Variants in PDE8B observed in about 807,000 individuals in gnomAD.
The protein encoded by PDE8B is high affinity cAMP-specific and IBMX-insensitive 3',5'-cyclic phosphodiesterase 8B.
PDE8B carries 26 observed loss-of-function variants against 101.3 expected under a neutral mutation model. That is an observed-to-expected ratio of 0.26 (90% CI 0.19 to 0.36). The LOEUF (loss-of-function observed/expected upper bound fraction) is 0.36. PDE8B is among the 10% of genes least tolerant of loss of function. The pLI is 1.00. For synonymous variants in PDE8B, 424 were observed against 429.3 expected (o/e 0.99, Z 0.15); for missense variants, 810 against 1,163.1 (o/e 0.70, Z 4.42).
chr5:77,191,635 G>A, the PDE8B span, among the ~76,000 whole-genome samples: 1 of 152,168 alleles, frequency 6.6e-6, no homozygotes, highest in Non-Finnish European at 1.5e-5. Flanking sequence ...TTACAGGCGT[G>A]AGCCACTGTG....
At chr5:77,382,066 A>G (rs1187620418) in intron 10 of PDE8B, among the ~76,000 whole-genome samples, 1 of 152,182 alleles carries the variant, frequency 6.6e-6, no homozygotes, top group Non-Finnish European at 1.5e-5. Context: ...ATTTTCAGCC[A>G]TCAATCCGTA....
the PDE8B span, among the ~76,000 whole-genome samples, chr5:77,161,369 C>T: frequency 6.6e-5 from 10 of 152,140 alleles, no homozygotes; most frequent in African/African-American, 2.2e-4. Flanking sequence ...TCCTTTTTAT[C>T]GTTGTATAGT....
intron 7 of PDE8B, among the ~76,000 whole-genome samples, chr5:77,348,835 A>G (rs926458777): frequency 6.6e-6 from 1 of 152,076 alleles, no homozygotes; most frequent in Middle Eastern, 3.2e-3. Flanking sequence ...GGTGTGTGCC[A>G]CAACAACTGG....
rs980761964 is a variant in PDE8B, at chr5:77,210,831, C to T, written c.-95C>T. On this transcript the variant is annotated 5_prime_UTR_variant, in exon 1 of 22. Transcript: ENST00000264917. This position sits in a 1 kb window ranked among gnomAD's most constrained non-coding sequence, Gnocchi z 4.9. ...GCCGGGGGGCGCGCAGTCCGGGCGC[C>T]GCCGCGGCCGCCCCCTCACTGCAGG... 1 of 994,270 alleles carries T rather than the reference C, an allele frequency of 1.0e-6. No homozygotes were observed. Among genetic ancestry groups the T allele is most frequent in the Non-Finnish European group, 1.2e-6 (1 of 837,798 alleles). The allele number at this position is 994,270 out of a possible 1,614,324, so 61.6% of individuals were successfully genotyped here.
At chr5:77,382,176 C>G (rs951845521) in intron 10 of PDE8B, among the ~76,000 whole-genome samples, 1 of 152,126 alleles carries the variant, frequency 6.6e-6, no homozygotes, top group African/African-American at 2.4e-5. Flanking sequence ...TACTCAGTAC[C>G]TACATTCTGT....
intron 2 of PDE8B, among the ~76,000 whole-genome samples, chr5:77,317,633 T>C (rs1774048279): frequency 1.3e-5 from 2 of 152,334 alleles, no homozygotes; most frequent in East Asian, 1.9e-4. Context: ...GGAAGTGTTA[T>C]GAGGCAGAGA....
intron 1 of PDE8B, among the ~76,000 whole-genome samples, chr5:77,239,290 C>G (rs1755277001): frequency 6.6e-6 from 1 of 152,164 alleles, no homozygotes; most frequent in South Asian, 2.1e-4. Flanking sequence ...TTTTTAAAGC[C>G]TTTTCAATGC....
intron 1 of PDE8B, among the ~76,000 whole-genome samples, chr5:77,240,916 C>T (rs982551166): frequency 6.6e-6 from 1 of 152,170 alleles, no homozygotes; most frequent in African/African-American, 2.4e-5. Context: ...AACTAAGCAG[C>T]GTTTTCCTAA....
the PDE8B span, among the ~76,000 whole-genome samples, chr5:77,093,067 A>G: frequency 6.6e-6 from 1 of 152,186 alleles, no homozygotes; most frequent in African/African-American, 2.4e-5. Context: ...GGCTGTTTTT[A>G]TCTTGTTTTT....
At chr5:77,294,785 CTATT>C (rs574793908) in intron 1 of PDE8B, among the ~76,000 whole-genome samples, 9 of 149,858 alleles carry the variant, frequency 6.0e-5, no homozygotes, top group Admixed American at 1.3e-4. Flanking sequence ...AGACAAGAAA[CTATT>C]TGAGAAGTGA....
chr5:77,351,939 A>G (rs999837204), intron 9 of PDE8B, among the ~76,000 whole-genome samples: 1 of 152,180 alleles, frequency 6.6e-6, no homozygotes, highest in Admixed American at 6.5e-5. Flanking sequence ...GTTCCTTGCA[A>G]ATTGTTGTAT....
At chr5:77,190,109 T>C in the PDE8B span, among the ~76,000 whole-genome samples, 1 of 152,208 alleles carries the variant, frequency 6.6e-6, no homozygotes, top group African/African-American at 2.4e-5. Context: ...GCCTGTCCTT[T>C]GCCCATGTTC....
Position 77,228,351 on chromosome 5 carries a change from T to C in PDE8B, c.339+17087T>C, listed in dbSNP as rs186485965. Among the ~76,000 whole-genome samples the C allele has an allele frequency of 1.8e-4, 28 of 152,220 alleles. No individual in the cohort carries two copies. The East Asian group carries it at 2.5e-3, about 14-fold the overall frequency. Reference sequence around the variant, plus strand: ...CATGAGTACGAATAGGTGGGAATCATTGGGGGCTGTGTTGGAACCTGCCTG... The same window carrying C: ...CATGAGTACGAATAGGTGGGAATCACTGGGGGCTGTGTTGGAACCTGCCTG... On this transcript the variant is annotated intron_variant, in intron 1 of 21. Coordinates refer to ENST00000264917, the MANE Select transcript of PDE8B (RefSeq NM_003719.5).
intron 17 of PDE8B, among the ~76,000 whole-genome samples, chr5:77,413,776 T>A (rs1476408518): frequency 6.6e-6 from 1 of 152,206 alleles, no homozygotes; most frequent in East Asian, 1.9e-4. Flanking sequence ...GGTATGAACG[T>A]GCCTATCTTT....
intron 1 of PDE8B, among the ~76,000 whole-genome samples, chr5:77,259,423 C>A (rs1019057110): frequency 3.9e-5 from 6 of 152,292 alleles, no homozygotes; most frequent in Middle Eastern, 6.8e-3. Flanking sequence ...GTGGTACATG[C>A]CCCAACTCTC....
chr5:77,094,369 G>A, the PDE8B span, among the ~76,000 whole-genome samples: 3 of 152,092 alleles, frequency 2.0e-5, no homozygotes, highest in African/African-American at 4.8e-5. Flanking sequence ...GGGTGCAGTT[G>A]TGTAATCATG....
chr5:77,316,499 T>C (rs1052581114), intron 2 of PDE8B, among the ~76,000 whole-genome samples: 4 of 152,194 alleles, frequency 2.6e-5, no homozygotes, highest in African/African-American at 9.7e-5. Context: ...CCCAAAGTGC[T>C]GGGATTACAG....
At chr5:77,327,585 A>C (rs1046770321) in intron 3 of PDE8B, among the ~76,000 whole-genome samples, 3 of 152,114 alleles carry the variant, frequency 2.0e-5, no homozygotes, top group African/African-American at 4.8e-5. Context: ...TGCCTCTAAA[A>C]CACTATGTAT....
At chr5:77,425,702 A>G (rs1457947873) in intron 20 of PDE8B, 65 bp from the exon 21 acceptor site, 2 of 1,536,780 alleles carry the variant, frequency 1.3e-6, no homozygotes, top group Non-Finnish European at 1.8e-6. Flanking sequence ...GTTCTGAGAA[A>G]CAGGATATTA....
Sources: gnomAD v4.1 joint callset for allele counts (sites outside exome capture counted in the v4.1 genomes callset) on GRCh38, gnomAD v4.1.1 for gene constraint, Gnocchi (gnomAD v3.1) non-coding constraint, MANE v1.5 for transcripts, NCBI Gene and HGNC (gene_info 2026-07-23, HGNC 2026-07-21) for gene names.